TMPRSS15: variants seen among roughly 807,000 people sequenced by gnomAD.
TMPRSS15 encodes the protein transmembrane serine protease 15, also known as enteropeptidase.
Under a neutral mutation model 125.3 loss-of-function variants are expected in TMPRSS15, and 128 were observed. The ratio of observed to expected loss-of-function variants is 1.02; its 90% CI spans 0.89 to 1.18. TMPRSS15 has a LOEUF of 1.18. Ranked by LOEUF, TMPRSS15 falls within the 50% of genes most tolerant of loss-of-function variation. The probability of loss-of-function intolerance (pLI) is 0.00; values close to 1 mark genes in which losing one functional copy is unlikely to be tolerated. For synonymous variants in TMPRSS15, 446 were observed against 423.2 expected (o/e 1.05, Z -0.66); for missense variants, 1,283 against 1,212.7 (o/e 1.06, Z -0.86).
Position 18,278,994 on chromosome 21 carries a change from T to C in TMPRSS15, c.2734A>G (p.Ile912Val), listed in dbSNP as rs775181664. The change falls in exon 23 of 25, where the codon ATT becomes GTT. Residue 912 changes from isoleucine to valine, a missense_variant. Ile to Val is a conservative substitution (Grantham distance 29, BLOSUM62 3). Coordinates refer to ENST00000284885, the MANE Select transcript of TMPRSS15 (RefSeq NM_002772.3). Reference sequence around the variant, plus strand: ...TATACAACCGTCCCCCAACCAGCAATAGAACAATTTCTTCCTGGAGGAAAA... The same window carrying C: ...TATACAACCGTCCCCCAACCAGCAACAGAACAATTTCTTCCTGGAGGAAAA... ...QVFPPGRNCS[I>V]AGWGTVVYQG... 2 of 1,443,066 alleles carry C rather than the reference T, an allele frequency of 1.4e-6. No homozygotes were observed. The highest frequency in any genetic ancestry group is 1.9e-6 in the Non-Finnish European group (2 of 1,069,538). The allele number at this position is 1,443,066 out of a possible 1,614,324, so 89.4% of individuals were successfully genotyped here. A position where few individuals can be genotyped will look rare whatever the true frequency, so the allele number is the denominator to read the frequency against.
intron 1 of TMPRSS15, among the ~76,000 whole-genome samples, chr21:18,467,526 G>C (rs759042074): frequency 1.1e-4 from 16 of 152,042 alleles, no homozygotes; most frequent in Non-Finnish European, 2.1e-4. Flanking sequence ...GAAGAAAATA[G>C]CAGATAGAGT....
chr21:18,335,783 G>C (rs991073118), intron 13 of TMPRSS15, among the ~76,000 whole-genome samples: 2 of 152,098 alleles, frequency 1.3e-5, no homozygotes, highest in African/African-American at 2.4e-5. Context: ...CAGAGATGTG[G>C]CATGTGCTTC....
chr21:18,323,014 T>C lies in TMPRSS15; in HGVS notation c.1921+3418A>G, dbSNP rs191010698. On this transcript the variant is annotated intron_variant, in intron 16 of 24. Coordinates refer to ENST00000284885, the MANE Select transcript of TMPRSS15 (RefSeq NM_002772.3). Reference sequence around the variant, plus strand: ...CATAAACATGTGTAATTATTATGAGTCCATAAAACACAATTTAAACAAACT... The same window carrying C: ...CATAAACATGTGTAATTATTATGAGCCCATAAAACACAATTTAAACAAACT... 1.9e-3 allele frequency among the ~76,000 whole-genome samples: 291 copies of C among 152,260 alleles called. 2 individuals carry two copies. The highest frequency in any genetic ancestry group is 6.5e-3 in the African/African-American group (272 of 41,556).
intron 18 of TMPRSS15, among the ~76,000 whole-genome samples, chr21:18,307,684 T>C (rs1819798400): frequency 6.6e-6 from 1 of 152,178 alleles, no homozygotes; most frequent in Admixed American, 6.5e-5. Flanking sequence ...TTACATGATA[T>C]ACTGTTAAAA....
chr21:18,419,759 G>T (rs1476080558), intron 1 of TMPRSS15, among the ~76,000 whole-genome samples: 2 of 152,130 alleles, frequency 1.3e-5, no homozygotes, highest in Non-Finnish European at 2.9e-5. Context: ...CGTTCCTGTA[G>T]GTGGAAAATA....
chr21:18,351,012 A>T (rs17771702), intron 10 of TMPRSS15, among the ~76,000 whole-genome samples: 3,212 of 152,134 alleles, frequency 0.021, 50 homozygotes, highest in Non-Finnish European at 0.029. Context: ...AGTGTGATGA[A>T]CCATATTTTG....
At chr21:18,479,348 A>T (rs1245100108) in intron 1 of TMPRSS15, among the ~76,000 whole-genome samples, 1 of 151,970 alleles carries the variant, frequency 6.6e-6, no homozygotes, top group Non-Finnish European at 1.5e-5. Flanking sequence ...AAACTTAGGA[A>T]ATGATAGTAT....
intron 3 of TMPRSS15, among the ~76,000 whole-genome samples, chr21:18,389,996 T>G (rs972105017): frequency 6.6e-6 from 1 of 152,220 alleles, no homozygotes; most frequent in East Asian, 1.9e-4. Context: ...TAGGTTTATA[T>G]TTAGCACATT....
At chr21:18,274,248 C>T (rs926100483) in intron 24 of TMPRSS15, among the ~76,000 whole-genome samples, 1 of 152,186 alleles carries the variant, frequency 6.6e-6, no homozygotes, top group Non-Finnish European at 1.5e-5. Flanking sequence ...ATTTAAACCT[C>T]TCCATAAACC....
intron 5 of TMPRSS15, among the ~76,000 whole-genome samples, chr21:18,378,107 A>T (rs2075860832): frequency 6.6e-6 from 1 of 152,152 alleles, no homozygotes; most frequent in Admixed American, 6.5e-5. Flanking sequence ...AAATGGCATT[A>T]ATTTGGATAC....
At chr21:18,309,467 G>A (rs2075072574) in intron 18 of TMPRSS15, among the ~76,000 whole-genome samples, 1 of 152,060 alleles carries the variant, frequency 6.6e-6, no homozygotes, top group Admixed American at 6.6e-5. Flanking sequence ...AGAGTGAACA[G>A]GCAACCTACA....
chr21:18,353,852 C>A lies in TMPRSS15; in HGVS notation c.892G>T (p.Glu298Ter). 6.2e-7 allele frequency: 1 copy of A among 1,610,894 alleles called. No homozygotes were observed. Residue 298 changes from glutamate (E) to a stop codon, truncating the protein, a stop_gained, in exon 9 of 25, where the codon GAA becomes TAA. Coordinates refer to ENST00000284885, the MANE Select transcript of TMPRSS15 (RefSeq NM_002772.3). LOFTEE classifies it high-confidence loss of function. ...SSKILRASIW[E>*]TNPGTIRIFS... ...ATTCTTATTGTGCCAGGATTAGTTT[C>A]CCAAATAGAAGCTACAAAATAAAAT...
intron 6 of TMPRSS15, among the ~76,000 whole-genome samples, chr21:18,365,695 C>CTTCT (rs1465907216): frequency 7.6e-6 from 1 of 130,808 alleles, no homozygotes; most frequent in Non-Finnish European, 1.6e-5. Context: ...TCCTTCCTTC[C>CTTCT]TTCCTACCTT....
chr21:18,445,926 G>A lies in TMPRSS15; in HGVS notation c.10+39873C>T, dbSNP rs373500495. On this transcript the variant is annotated intron_variant, in intron 1 of 7. Coordinates refer to the TMPRSS15 transcript ENST00000422787. ...ACAAGGATGCCCACTTTCTCCACTT[G>A]TATTCAAAATAATACTGGAATTACT... Among the ~76,000 whole-genome samples, 8 of 152,226 alleles carry A rather than the reference G, an allele frequency of 5.3e-5. No individual in the cohort carries two copies. The South Asian group carries it at 1.7e-3, about 32-fold the overall frequency.
In TMPRSS15 at chr21:18,269,795, A is replaced by G; in HGVS notation, c.*174T>C. ...AAGTTATTCTGTATTGCTATGGTGA[A>G]TTTTATTATTTTTAAAATTTTGTTT... On this transcript the variant is annotated 3_prime_UTR_variant, in exon 25 of 25. Coordinates refer to ENST00000284885, the MANE Select transcript of TMPRSS15 (RefSeq NM_002772.3). 1.5e-6 allele frequency: 1 copy of G among 660,566 alleles called. No homozygotes were observed. 40.9% of individuals were successfully genotyped at this position (660,566 alleles called of 1,614,324 possible). A position where few individuals can be genotyped will look rare whatever the true frequency, so the allele number is the denominator to read the frequency against.
chr21:18,409,767 G>A (rs2076160611), intron 1 of TMPRSS15, among the ~76,000 whole-genome samples: 1 of 151,798 alleles, frequency 6.6e-6, no homozygotes, highest in African/African-American at 2.4e-5. Flanking sequence ...CTTTGATTGA[G>A]TTTGCTTCCA....
At position 18,291,759 on chromosome 21, in the gene TMPRSS15, AAAAT is replaced by A. The variant is rs1424071866; in HGVS notation, c.2486+2507_2486+2510del. Among the ~76,000 whole-genome samples, 11 of 152,356 alleles carry A rather than the reference AAAAT, an allele frequency of 7.2e-5. No individual in the cohort carries two copies. The East Asian group carries it at 2.1e-3, about 29-fold the overall frequency. Reference sequence around the variant, plus strand: ...AAACTCTTAGGCATTAGAGAAAAAAAAAATAATTCCATTGAATGCCTAAGGAGAG... The same window carrying A: ...AAACTCTTAGGCATTAGAGAAAAAAAAATTCCATTGAATGCCTAAGGAGAG... On this transcript the variant is annotated intron_variant, in intron 21 of 24. Transcript: ENST00000284885.
chr21:18,331,223 C>T (rs2075342629), intron 14 of TMPRSS15, among the ~76,000 whole-genome samples: 1 of 152,084 alleles, frequency 6.6e-6, no homozygotes, highest in Non-Finnish European at 1.5e-5. Context: ...GAAAGTGATG[C>T]TCTCTTATCT....
At chr21:18,290,361 G>A (rs1477244124) in intron 21 of TMPRSS15, among the ~76,000 whole-genome samples, 2 of 151,946 alleles carry the variant, frequency 1.3e-5, no homozygotes, top group African/African-American at 4.8e-5. Flanking sequence ...TAGAAATAAG[G>A]TTTCTTACAG....
Sources: gnomAD v4.1 joint callset for allele counts (sites outside exome capture counted in the v4.1 genomes callset) on GRCh38, gnomAD v4.1.1 for gene constraint, MANE v1.5 for transcripts, NCBI Gene and HGNC (gene_info 2026-07-23, HGNC 2026-07-21) for gene names.